The following NOTUM variants were observed in gnomAD, a reference collection of about 807,000 sequenced individuals.
NOTUM encodes the protein notum, palmitoleoyl-protein carboxylesterase.
In NOTUM, 36 loss-of-function variants were observed where a neutral mutation model predicts 65.5. The observed-to-expected ratio is 0.55, with a 90% CI of 0.42 to 0.73. The LOEUF is 0.73. NOTUM is among the 30% of genes least tolerant of loss of function. The pLI is 0.00. For missense variants in NOTUM, 659 were observed against 694.2 expected (o/e 0.95, Z 0.57); for synonymous variants, 356 against 297.9 (o/e 1.20, Z -2.01).
At chr17:81,959,035 G>C (rs373262798) in intron 3 of NOTUM, 40 bp from the exon 4 acceptor site, 24 of 1,566,152 alleles carry the variant, frequency 1.5e-5, no homozygotes, top group East Asian at 2.2e-5. Context: ...AGCGGGAGGA[G>C]GCTGTGTAGG....
At chr17:81,954,129 CT>C (rs1479402592) in intron 10 of NOTUM, 126 bp downstream of exon 10, 10 of 679,820 alleles carry the variant, frequency 1.5e-5, no homozygotes, top group Admixed American at 4.6e-5. Context: ...TCTGGCACCC[CT>C]ATAAGGAAAT....
Position 81,960,996 on chromosome 17 carries a change from G to T in NOTUM, c.-87C>A. 2 of 674,962 alleles carry T rather than the reference G, an allele frequency of 3.0e-6. No individual in the cohort carries two copies. Among genetic ancestry groups the T allele is most frequent in the Non-Finnish European group, 3.9e-6 (2 of 510,450 alleles). 41.8% of individuals were successfully genotyped at this position (674,962 alleles called of 1,614,324 possible). On this transcript the variant is annotated 5_prime_UTR_variant, in exon 1 of 11. Coordinates refer to ENST00000409678, the MANE Select transcript of NOTUM (RefSeq NM_178493.6). This position sits in a 1 kb window ranked among gnomAD's most constrained non-coding sequence, Gnocchi z 6.4. The stretch of plus-strand genomic sequence containing the variant: ...CCGGGCCGGGGGTGCCGGGCCGGGG[G>T]TGTCGGGGGCACTGGCCGCTCCTGC...
In NOTUM at chr17:81,960,855, C is replaced by T. The variant is rs1467136977; in HGVS notation, c.55G>A (p.Gly19Ser). Residue 19 changes from glycine (G) to serine (S), a missense_variant, in exon 1 of 11, where the codon GGC (glycine) becomes AGC (serine). Physicochemically the swap from Gly to Ser is moderately conservative, Grantham distance 56 (BLOSUM62 0). Transcript: ENST00000409678. This position sits in a 1 kb window ranked among gnomAD's most constrained non-coding sequence, Gnocchi z 6.4. Reference protein sequence around the residue: ...LLLSLLHCAGGSEGRKTWRRR... With the variant: ...LLLSLLHCAGSSEGRKTWRRR... ...CGCCAGGTCTTCCTGCCCTCGCTGC[C>T]CCCGGCGCAGTGCAGCAGGCTCAGC... 2.7e-6 allele frequency: 4 copies of T among 1,487,730 alleles called. No individual in the cohort carries two copies. The highest frequency in any genetic ancestry group is 5.0e-5 in the East Asian group (2 of 39,850). 92.2% of individuals were successfully genotyped at this position (1,487,730 alleles called of 1,614,324 possible).
At chr17:81,954,986 ATATG>A (rs1349278105) in intron 9 of NOTUM, among the ~76,000 whole-genome samples, 3 of 150,158 alleles carry the variant, frequency 2.0e-5, no homozygotes, top group Middle Eastern at 3.5e-3. Context: ...CTCTCTCTAT[ATATG>A]TATTTTTTGA....
chr17:81,955,469 G>C lies in NOTUM; in HGVS notation c.1064C>G (p.Pro355Arg). ...TVDNVHLTGQ[P>R]VQEGLRLYIQ... ...GTACAGCCGCAGGCCCTCCTGCACC[G>C]GCTGCCCCGTCAGGTGCACGTTGTC... Residue 355 changes from proline to arginine, a missense_variant, in exon 9 of 11, where the codon CCG becomes CGG. Physicochemically the swap from Pro to Arg is moderately radical, Grantham distance 103 (BLOSUM62 -2). Transcript: ENST00000409678. 6.2e-7 allele frequency: 1 copy of C among 1,609,264 alleles called. No individual in the cohort carries two copies. The highest frequency in any genetic ancestry group is 8.5e-7 in the Non-Finnish European group (1 of 1,178,504).
chr17:81,953,854 T>C (rs181737142), intron 10 of NOTUM, among the ~76,000 whole-genome samples: 1 of 150,550 alleles, frequency 6.6e-6, no homozygotes, highest in African/African-American at 2.4e-5. Flanking sequence ...CAATCTCGAC[T>C]CACCATAACC....
chr17:81,957,126 TCCC>T (rs745444193), intron 6 of NOTUM, 52 bp from the exon 7 acceptor site: 1 of 1,473,278 alleles, frequency 6.8e-7, no homozygotes, highest in East Asian at 2.3e-5. Context: ...GGCACTCACC[TCCC>T]CCGAGTCTGC....
intron 3 of NOTUM, chr17:81,959,235 A>G (rs1444681377): frequency 6.5e-6 from 4 of 610,820 alleles, no homozygotes; most frequent in South Asian, 2.0e-5. Context: ...CTTGACTTCA[A>G]CCCCTTGCCC....
chr17:81,958,787 C>T (rs533343375), intron 4 of NOTUM, 148 bp downstream of exon 4: 45 of 639,190 alleles, frequency 7.0e-5, no homozygotes, highest in Admixed American at 6.2e-4. Context: ...CCTCCAGAAC[C>T]CCTCTAGGAC....
Position 81,953,146 on chromosome 17 carries a change from G to C in NOTUM, c.1306C>G (p.Leu436Val). 6.2e-7 allele frequency: 1 copy of C among 1,613,292 alleles called. No homozygotes were observed. Among genetic ancestry groups the C allele is most frequent in the East Asian group, 2.2e-5 (1 of 44,886 alleles). Residue 436 changes from leucine to valine, a missense_variant, in exon 11 of 11, where the codon CTG becomes GTG. By Grantham distance (32) the Leu-to-Val change is conservative. Transcript: ENST00000409678. ...TGGGGCCAGGGGCAGCTGTCCACCA[G>C]GTGGACGGGGCAGCCCTTGAGGGGG... The part of the protein sequence containing the change: ...KTPLKGCPVH[L>V]VDSCPWPHCN...
At chr17:81,958,912 G>A (rs1567939395) in intron 4 of NOTUM, 23 bp downstream of exon 4, 2 of 1,601,134 alleles carry the variant, frequency 1.2e-6, no homozygotes, top group South Asian at 1.1e-5. Flanking sequence ...AGGACTCCCA[G>A]GCAAGACCCT....
chr17:81,958,767 G>A (rs1022016307), intron 4 of NOTUM, among the ~76,000 whole-genome samples, 168 bp downstream of exon 4: 4 of 151,596 alleles, frequency 2.6e-5, no homozygotes, highest in African/African-American at 7.3e-5. Flanking sequence ...TCCCCACCAC[G>A]AAAGAAACAC....
rs541714628 is a variant in NOTUM, at chr17:81,957,925, G to T, written c.593-17C>A. The T allele has an allele frequency of 7.5e-5, 117 of 1,561,238 alleles. No homozygotes were observed. In the South Asian group the frequency reaches 1.3e-3, roughly 18 times the overall value. On this transcript the variant is annotated splice_polypyrimidine_tract_variant and intron_variant, in intron 5 of 10. Coordinates refer to ENST00000409678, the MANE Select transcript of NOTUM (RefSeq NM_178493.6). Reference sequence around the variant, plus strand: ...CGTACTCGTCTGCAAGAGGGAGGGGGTGGCCTCAGGTAGGGGCCTGGACAG... The same window carrying T: ...CGTACTCGTCTGCAAGAGGGAGGGGTTGGCCTCAGGTAGGGGCCTGGACAG...
chr17:81,954,182 A>G, intron 10 of NOTUM, 74 bp downstream of exon 10: 1 of 1,100,124 alleles, frequency 9.1e-7, no homozygotes, highest in Non-Finnish European at 1.4e-6. Flanking sequence ...TGGGAGGCCA[A>G]GTGCGGTTGG....
rs762553945 is a variant in NOTUM at position 81,958,357 on chromosome 17, C to T, written c.570G>A (p.Gly190=). The T allele has an allele frequency of 1.5e-5, 24 of 1,611,012 alleles. No homozygotes were observed. The Admixed American group carries it at 2.3e-4, about 16-fold the overall frequency. ...CACTCTTCTCAGACTTGGATGAAGCCCCGCTCCAAACATCACTGGAGCAGT... is the reference window on the plus strand; with the variant it reads ...CACTCTTCTCAGACTTGGATGAAGCTCCGCTCCAAACATCACTGGAGCAGT... ...IPYCSSDVWS[G]ASSKSEKNEY... Residue 190 remains glycine (G), a synonymous_variant, in exon 5 of 11, where the codon GGG becomes GGA. Transcript: ENST00000409678.
chr17:81,958,489 C>T, intron 4 of NOTUM, 96 bp from the exon 5 acceptor site: 2 of 819,406 alleles, frequency 2.4e-6, no homozygotes, highest in South Asian at 2.8e-5. Flanking sequence ...AAGACCATCC[C>T]AGGACAGGAT....
At position 81,960,165 on chromosome 17, in the gene NOTUM, G is replaced by A. The variant is rs1378448586; in HGVS notation, c.323+422C>T. ...TGTCCCCGGCTGTCCTCGGCCTGTT[G>A]AGCGCGTGGGCGGCCCCGCCGCTCC... On this transcript the variant is annotated intron_variant, in intron 1 of 10. Coordinates refer to ENST00000409678, the MANE Select transcript of NOTUM (RefSeq NM_178493.6). This position sits in a 1 kb window ranked among gnomAD's most constrained non-coding sequence, Gnocchi z 6.4. Among the ~76,000 whole-genome samples the A allele has an allele frequency of 1.3e-5, 2 of 152,038 alleles. No individual in the cohort carries two copies. The highest frequency in any genetic ancestry group is 2.9e-5 in the Non-Finnish European group (2 of 67,976).
chr17:81,960,788 G>T lies in NOTUM; in HGVS notation c.122C>A (p.Ala41Glu). ...QQPPPPPRTE[A>E]APAAGQPVES... ...CACGGGCTGTCCGGCCGCCGGCGCC[G>T]CCTCGGTCCGCGGGGGAGGAGGCGG... Residue 41 changes from alanine (A) to glutamate (E), a missense_variant, in exon 1 of 11, where the codon GCG (alanine) becomes GAG (glutamate). Physicochemically the swap from Ala to Glu is moderately radical, Grantham distance 107. Transcript: ENST00000409678. This position sits in a 1 kb window ranked among gnomAD's most constrained non-coding sequence, Gnocchi z 6.4. 6.4e-7 allele frequency: 1 copy of T among 1,557,732 alleles called. No individual in the cohort carries two copies. Among genetic ancestry groups the T allele is most frequent in the Non-Finnish European group, 8.7e-7 (1 of 1,152,800 alleles).
Position 81,960,981 on chromosome 17 carries a change from G to T in NOTUM, c.-72C>A. 1.2e-6 allele frequency: 1 copy of T among 853,516 alleles called. No individual in the cohort carries two copies. Among genetic ancestry groups the T allele is most frequent in the Non-Finnish European group, 1.5e-6 (1 of 671,292 alleles). 52.9% of individuals were successfully genotyped at this position (853,516 alleles called of 1,614,324 possible). A position where few individuals can be genotyped will look rare whatever the true frequency, so the allele number is the denominator to read the frequency against. ...CGGCGGCGGGGGATGCCGGGCCGGGGGTGCCGGGCCGGGGGTGTCGGGGGC... is the reference window on the plus strand; with the variant it reads ...CGGCGGCGGGGGATGCCGGGCCGGGTGTGCCGGGCCGGGGGTGTCGGGGGC... On this transcript the variant is annotated 5_prime_UTR_variant, in exon 1 of 11. Coordinates refer to ENST00000409678, the MANE Select transcript of NOTUM (RefSeq NM_178493.6). The surrounding 1 kb of genome is among the most constrained non-coding windows in gnomAD (Gnocchi z 6.4).
Sources: gnomAD v4.1 joint callset for allele counts (sites outside exome capture counted in the v4.1 genomes callset) on GRCh38, gnomAD v4.1.1 for gene constraint, Gnocchi (gnomAD v3.1) non-coding constraint, MANE v1.5 for transcripts, NCBI Gene and HGNC (gene_info 2026-07-23, HGNC 2026-07-21) for gene names.